The following RGS6 variants were observed in gnomAD, a reference collection of about 807,000 sequenced individuals.
RGS6 encodes the protein regulator of G-protein signaling 6.
In RGS6, 30 loss-of-function variants were observed where a neutral mutation model predicts 78.5. The observed-to-expected ratio is 0.38, with a 90% CI of 0.29 to 0.52. The LOEUF (loss-of-function observed/expected upper bound fraction) is 0.52, where lower values mean the gene tolerates loss of function less well. Among genes scored for constraint, RGS6 ranks in the 20% least tolerant of loss-of-function variants. RGS6 has a pLI of 0.85. For synonymous variants in RGS6, 206 were observed against 206.0 expected (o/e 1.00, Z 0.00); for missense variants, 495 against 609.7 (o/e 0.81, Z 1.98).
At chr14:72,257,180 T>G (rs1038588246) in intron 2 of RGS6, among the ~76,000 whole-genome samples, 1 of 152,210 alleles carries the variant, frequency 6.6e-6, no homozygotes, top group Non-Finnish European at 1.5e-5. Flanking sequence ...CAATATGTCC[T>G]GAAGAAGAGT....
At chr14:71,932,316 GC>G (rs973711252), upstream of RGS6, 2 of 148,448 alleles carry the variant, frequency 1.3e-5, no homozygotes, top group Admixed American at 6.8e-5. Flanking sequence ...CGCGGTCCGG[GC>G]CCAGGTGCCG....
intron 3 of RGS6, among the ~76,000 whole-genome samples, chr14:72,435,708 C>T (rs1212302330): frequency 1.3e-5 from 2 of 152,020 alleles, no homozygotes; most frequent in African/African-American, 4.8e-5. Flanking sequence ...GCCAGCAGCT[C>T]TCTGGCATGT....
At chr14:72,292,053 C>T (rs1444629908) in intron 2 of RGS6, among the ~76,000 whole-genome samples, 1 of 10,232 alleles carries the variant, frequency 9.8e-5, no homozygotes, top group Non-Finnish European at 2.3e-4. Context: ...GACATGAACA[C>T]AGTAACACGG....
At chr14:72,194,432 G>A (rs1459534805) in intron 2 of RGS6, among the ~76,000 whole-genome samples, 1 of 143,272 alleles carries the variant, frequency 7.0e-6, no homozygotes, top group African/African-American at 2.7e-5. Flanking sequence ...GTGCACTAAT[G>A]CAATCATAGC....
intron 3 of RGS6, among the ~76,000 whole-genome samples, chr14:72,408,092 A>G (rs1347174523): frequency 6.6e-6 from 1 of 152,212 alleles, no homozygotes; most frequent in Non-Finnish European, 1.5e-5. Context: ...AAACCGACTC[A>G]TGCTTGTTTA....
At chr14:72,138,568 C>T (rs74060674) in intron 2 of RGS6, among the ~76,000 whole-genome samples, 1,828 of 150,206 alleles carry the variant, frequency 0.012, 43 homozygotes, top group African/African-American at 0.042. Context: ...GACCAGGGGT[C>T]TCCAACTGGT....
chr14:72,334,354 C>T (rs1011027598), intron 2 of RGS6, among the ~76,000 whole-genome samples: 2 of 152,178 alleles, frequency 1.3e-5, no homozygotes, highest in African/African-American at 4.8e-5. Context: ...TCGTTTGACG[C>T]CTACAAAAAC....
rs560536481 is a variant in RGS6 at position 72,559,436 on chromosome 14, C to T, written c.1423-2981C>T. On this transcript the variant is annotated intron_variant, in intron 17 of 17. Coordinates refer to ENST00000553525, the MANE Select transcript of RGS6 (RefSeq NM_001204424.2). ...CATGCCCGCATCCTGCATGATTAAC[C>T]GCCTTCCAGTCTGAGCCTGCCCTCA... Among the ~76,000 whole-genome samples the T allele has an allele frequency of 2.6e-5, 4 of 152,288 alleles. No homozygotes were observed. In the East Asian group the frequency reaches 5.8e-4, roughly 22 times the overall value.
intron 17 of RGS6, among the ~76,000 whole-genome samples, chr14:72,556,829 T>TTTGA (rs1206753422): frequency 1.3e-5 from 2 of 152,118 alleles, no homozygotes; most frequent in African/African-American, 2.4e-5. Context: ...ACGTCTCTTT[T>TTTGA]TTGATTAATT....
intron 3 of RGS6, among the ~76,000 whole-genome samples, chr14:72,365,418 T>C (rs113891497): frequency 1.3e-5 from 2 of 152,056 alleles, no homozygotes; most frequent in Non-Finnish European, 2.9e-5. Flanking sequence ...AAGATCAGAG[T>C]TGAAGAGATG....
Position 72,372,851 on chromosome 14 carries a change from T to C in RGS6, c.184+20657T>C, listed in dbSNP as rs573789017. On this transcript the variant is annotated intron_variant, in intron 3 of 17. Coordinates refer to ENST00000553525, the MANE Select transcript of RGS6 (RefSeq NM_001204424.2). ...GCTTCTGCTGCCAGAGAGGAAAATATGGAAAAGTTCATGGGCCATTTGCCA... is the reference window on the plus strand; with the variant it reads ...GCTTCTGCTGCCAGAGAGGAAAATACGGAAAAGTTCATGGGCCATTTGCCA... Among the ~76,000 whole-genome samples, 13 of 152,288 alleles carry C rather than the reference T, an allele frequency of 8.5e-5. No homozygotes were observed. In the East Asian group the frequency reaches 2.3e-3, roughly 27 times the overall value.
chr14:72,427,582 C>T (rs911486345), intron 3 of RGS6, among the ~76,000 whole-genome samples: 1 of 152,156 alleles, frequency 6.6e-6, no homozygotes, highest in African/African-American at 2.4e-5. Context: ...CATTTTCCCT[C>T]CTAACCCCAA....
At chr14:72,113,116 C>G (rs1171585478) in intron 2 of RGS6, among the ~76,000 whole-genome samples, 1 of 151,908 alleles carries the variant, frequency 6.6e-6, no homozygotes, top group Non-Finnish European at 1.5e-5. Context: ...ACACACACAC[C>G]CCACTTCATG....
intron 3 of RGS6, among the ~76,000 whole-genome samples, chr14:72,443,998 G>T (rs1409495134): frequency 2.0e-5 from 3 of 152,120 alleles, no homozygotes; most frequent in African/African-American, 7.2e-5. Context: ...GCTGATTGTT[G>T]AGCTAAATCC....
chr14:72,251,391 T>C (rs2055738828), intron 2 of RGS6, among the ~76,000 whole-genome samples: 2 of 152,026 alleles, frequency 1.3e-5, no homozygotes, highest in African/African-American at 4.8e-5. Context: ...AAAGTTTTCT[T>C]AATCAGATAG....
At chr14:72,424,652 A>G (rs1248714437) in intron 3 of RGS6, among the ~76,000 whole-genome samples, 1 of 152,224 alleles carries the variant, frequency 6.6e-6, no homozygotes, top group Non-Finnish European at 1.5e-5. Context: ...CTTGGCTGAT[A>G]TGGAAAAAAA....
At chr14:72,080,274 T>G (rs1431807187) in intron 2 of RGS6, among the ~76,000 whole-genome samples, 1 of 152,180 alleles carries the variant, frequency 6.6e-6, no homozygotes, top group Non-Finnish European at 1.5e-5. Context: ...TGCATTTTCC[T>G]GATTAGTGTT....
chr14:72,404,754 T>A (rs1375281099), intron 3 of RGS6, among the ~76,000 whole-genome samples: 1 of 152,228 alleles, frequency 6.6e-6, no homozygotes. Flanking sequence ...CCATGGTTAC[T>A]GCAGCAGGTG....
the RGS6 span, among the ~76,000 whole-genome samples, chr14:71,905,173 A>G: frequency 6.6e-6 from 1 of 152,286 alleles, no homozygotes; most frequent in Non-Finnish European, 1.5e-5. Context: ...TTTTCCATCC[A>G]TGGACAGCAG....
Sources: gnomAD v4.1 joint callset for allele counts (sites outside exome capture counted in the v4.1 genomes callset) on GRCh38, gnomAD v4.1.1 for gene constraint, MANE v1.5 for transcripts, NCBI Gene and HGNC (gene_info 2026-07-23, HGNC 2026-07-21) for gene names.